The following PTGIS variants were observed in gnomAD, a reference collection of about 807,000 sequenced individuals.
PTGIS encodes the protein prostaglandin I2 synthase.
A neutral mutation model predicts 50.3 loss-of-function variants in PTGIS; 45 were observed. The ratio of observed to expected loss-of-function variants is 0.90; its 90% CI spans 0.70 to 1.15. The LOEUF (loss-of-function observed/expected upper bound fraction) is 1.15. Among genes scored for constraint, PTGIS ranks in the 50% most tolerant of loss-of-function variants. The probability of loss-of-function intolerance (pLI) is 0.00; values close to 1 mark genes in which losing one functional copy is unlikely to be tolerated. For synonymous variants in PTGIS, 260 were observed against 267.7 expected (o/e 0.97, Z 0.28); for missense variants, 668 against 661.3 (o/e 1.01, Z -0.11).
In PTGIS at chr20:49,515,528, G is replaced by A. The variant is rs75630193; in HGVS notation, c.856-1133C>T. ...ACTATTCTATTCAATCATAATAATG[G>A]AATATTAAATCATCATTAAATATCA... On this transcript the variant is annotated intron_variant, in intron 6 of 9. Coordinates refer to ENST00000244043, the MANE Select transcript of PTGIS (RefSeq NM_000961.4). Among the ~76,000 whole-genome samples, 1,507 of 152,234 alleles carry A rather than the reference G, an allele frequency of 9.9e-3. 8 individuals carry two copies. Among genetic ancestry groups the A allele is most frequent in the Non-Finnish European group, 0.015 (1,021 of 68,026 alleles).
intron 8 of PTGIS, 113 bp downstream of exon 8, chr20:49,512,967 T>C: frequency 7.6e-7 from 1 of 1,317,616 alleles, no homozygotes; most frequent in Admixed American, 1.9e-5. Context: ...ATCTGGGCAA[T>C]GTCACATAGC....
At chr20:49,542,969 C>T (rs1294683527) in intron 4 of PTGIS, among the ~76,000 whole-genome samples, 4 of 152,208 alleles carry the variant, frequency 2.6e-5, no homozygotes, top group Non-Finnish European at 5.9e-5. Flanking sequence ...CACATATGCA[C>T]ACACATATCA....
chr20:49,559,513 A>G (rs916504072), intron 1 of PTGIS, among the ~76,000 whole-genome samples: 2 of 152,232 alleles, frequency 1.3e-5, no homozygotes, highest in African/African-American at 4.8e-5. Flanking sequence ...TGACAGCAGC[A>G]TTATTCGTAA....
In PTGIS at chr20:49,504,918, AT is replaced by A. The variant is rs1862199328; in HGVS notation, c.*3001del. On this transcript the variant is annotated 3_prime_UTR_variant, in exon 10 of 10. Coordinates refer to ENST00000244043, the MANE Select transcript of PTGIS (RefSeq NM_000961.4). ...GGCGGGCAGATCACGAGCTCAGGAG[AT>A]CAAGACCATCCTGGCTAATACGGTG... 1 of 152,022 alleles carries A rather than the reference AT, an allele frequency of 6.6e-6. No homozygotes were observed. Among genetic ancestry groups the A allele is most frequent in the Non-Finnish European group, 1.5e-5 (1 of 68,036 alleles). 9.4% of individuals were successfully genotyped at this position (152,022 alleles called of 1,614,324 possible).
At chr20:49,517,072 C>A (rs1350076954) in intron 6 of PTGIS, among the ~76,000 whole-genome samples, 1 of 152,214 alleles carries the variant, frequency 6.6e-6, no homozygotes, top group Non-Finnish European at 1.5e-5. Flanking sequence ...ACACGTGCTG[C>A]GCCCATAGTA....
chr20:49,564,276 G>C (rs1982842101), intron 1 of PTGIS, among the ~76,000 whole-genome samples: 1 of 151,720 alleles, frequency 6.6e-6, no homozygotes, highest in Non-Finnish European at 1.5e-5. Context: ...TTTTGAGATG[G>C]AGTCTCGCTC....
intron 6 of PTGIS, among the ~76,000 whole-genome samples, chr20:49,518,384 A>AAAAC (rs978285032): frequency 2.0e-3 from 305 of 152,360 alleles, no homozygotes; most frequent in African/African-American, 7.3e-3. Context: ...GAGTCTATTT[A>AAAAC]AAACAAACAA....
rs529001001 is a variant in PTGIS at position 49,545,292 on chromosome 20, G to T, written c.378-844C>A. On this transcript the variant is annotated intron_variant, in intron 3 of 9. Coordinates refer to ENST00000244043, the MANE Select transcript of PTGIS (RefSeq NM_000961.4). ...ATCACTAGCCAGATGTGTAGTAGGTGCCTGTAGTCCCAGCTACTCAGGAGG... is the reference window on the plus strand; with the variant it reads ...ATCACTAGCCAGATGTGTAGTAGGTTCCTGTAGTCCCAGCTACTCAGGAGG... Among the ~76,000 whole-genome samples, 6 of 152,188 alleles carry T rather than the reference G, an allele frequency of 3.9e-5. No homozygotes were observed. In the East Asian group the frequency reaches 5.8e-4, roughly 15 times the overall value.
chr20:49,558,856 G>A (rs1982689501), intron 1 of PTGIS, among the ~76,000 whole-genome samples: 1 of 152,154 alleles, frequency 6.6e-6, no homozygotes, highest in East Asian at 1.9e-4. Context: ...TGGGATTACA[G>A]GAATGAACAA....
intron 2 of PTGIS, among the ~76,000 whole-genome samples, chr20:49,548,233 G>T (rs1765614110): frequency 6.6e-6 from 1 of 152,244 alleles, no homozygotes; most frequent in African/African-American, 2.4e-5. Flanking sequence ...GAAAGGAGAA[G>T]AAATGTGCCC....
Position 49,525,905 on chromosome 20 carries a change from G to GT in PTGIS, c.674-1667dup, listed in dbSNP as rs372743918. Among the ~76,000 whole-genome samples the GT allele has an allele frequency of 1.1e-3, 169 of 149,218 alleles. 4 individuals are homozygous for GT. In the South Asian group the frequency reaches 0.031, roughly 27 times the overall value. On this transcript the variant is annotated intron_variant, in intron 5 of 9. Coordinates refer to ENST00000244043, the MANE Select transcript of PTGIS (RefSeq NM_000961.4). ...TGAAAGGGTCGAAAATGTAGACTAT[G>GT]TTTTTTTTTTAAAGTATGTTGGCTT...
chr20:49,526,070 T>C (rs1397909318), intron 5 of PTGIS, among the ~76,000 whole-genome samples: 1 of 152,222 alleles, frequency 6.6e-6, no homozygotes, highest in Non-Finnish European at 1.5e-5. Flanking sequence ...TGAAATACAT[T>C]ATCTTCCTAT....
rs1172218560 is a variant in PTGIS at position 49,550,161 on chromosome 20, C to T, written c.103G>A (p.Gly35Ser). 6.2e-7 allele frequency: 1 copy of T among 1,613,746 alleles called. No homozygotes were observed. The highest frequency in any genetic ancestry group is 1.7e-5 in the Admixed American group (1 of 60,024). Reference sequence around the variant, plus strand: ...GCATACCCCAACCAGGGGATGCTGCCCAGGTCCAGGGGAGGCTCACCAGGT... The same window carrying T: ...GCATACCCCAACCAGGGGATGCTGCTCAGGTCCAGGGGAGGCTCACCAGGT... ...RRPGEPPLDL[G>S]SIPWLGYALD... Residue 35 changes from glycine (G) to serine (S), a missense_variant, in exon 2 of 10, where the codon GGC (glycine) becomes AGC (serine). Transcript: ENST00000244043.
At chr20:49,508,097 G>A (rs775866558) in intron 9 of PTGIS, 33 bp from the exon 10 acceptor site, 19 of 1,612,246 alleles carry the variant, frequency 1.2e-5, no homozygotes, top group African/African-American at 8.0e-5. Context: ...GTGTGAAGGA[G>A]AGGAGTAGGG....
intron 5 of PTGIS, among the ~76,000 whole-genome samples, chr20:49,534,845 A>G (rs1217154676): frequency 1.3e-5 from 2 of 152,198 alleles, no homozygotes; most frequent in African/African-American, 4.8e-5. Flanking sequence ...GAAACACAAA[A>G]AAATACAAAA....
chr20:49,549,429 TC>T (rs1412057597), intron 2 of PTGIS, among the ~76,000 whole-genome samples: 1 of 152,150 alleles, frequency 6.6e-6, no homozygotes, highest in East Asian at 1.9e-4. Context: ...CAACACATTT[TC>T]CCCCAAATAT....
At chr20:49,519,223 A>T (rs554292830) in intron 6 of PTGIS, among the ~76,000 whole-genome samples, 2 of 149,566 alleles carry the variant, frequency 1.3e-5, no homozygotes, top group South Asian at 2.2e-4. Flanking sequence ...TCCTCCCTGG[A>T]TGCCTGAGAC....
intron 1 of PTGIS, among the ~76,000 whole-genome samples, chr20:49,560,709 G>GC (rs1172208037): frequency 6.6e-6 from 1 of 152,162 alleles, no homozygotes; most frequent in Non-Finnish European, 1.5e-5. Context: ...AGAGGCAACA[G>GC]CAAGTGCAAA....
chr20:49,546,366 A>C (rs1050519469), intron 3 of PTGIS, among the ~76,000 whole-genome samples: 4 of 152,232 alleles, frequency 2.6e-5, no homozygotes, highest in Non-Finnish European at 4.4e-5. Context: ...CAGGACACTC[A>C]GGCTCCAAGC....
Sources: gnomAD v4.1 joint callset for allele counts (sites outside exome capture counted in the v4.1 genomes callset) on GRCh38, gnomAD v4.1.1 for gene constraint, MANE v1.5 for transcripts, NCBI Gene and HGNC (gene_info 2026-07-23, HGNC 2026-07-21) for gene names.